Variants in STK32C observed in about 807,000 individuals in gnomAD.
STK32C encodes serine/threonine kinase 32C, also known as serine/threonine-protein kinase 32C.
A neutral mutation model predicts 56.5 loss-of-function variants in STK32C; 31 were observed. That is an observed-to-expected ratio of 0.55 (90% CI 0.41 to 0.74). STK32C has a LOEUF of 0.74. STK32C is among the 30% of genes least tolerant of loss of function. STK32C has a pLI of 0.00. For synonymous variants in STK32C, 309 were observed against 289.4 expected (o/e 1.07, Z -0.69); for missense variants, 544 against 676.9 (o/e 0.80, Z 2.18).
intron 2 of STK32C, among the ~76,000 whole-genome samples, chr10:132,230,682 G>GGGGC (rs1159772091): frequency 1.4e-5 from 2 of 139,358 alleles, no homozygotes; most frequent in South Asian, 2.5e-4. Flanking sequence ...AAGCTGGCGG[G>GGGGC]GGGGGGGGGG....
At chr10:132,279,721 C>CATGACACTGCACTCCG (rs1564771468) in intron 1 of STK32C, among the ~76,000 whole-genome samples, 1 of 62,370 alleles carries the variant, frequency 1.6e-5, no homozygotes, top group Non-Finnish European at 3.4e-5. Context: ...ACTCCACTCC[C>CATGACACTGCACTCCG]TGATCACACC....
At chr10:132,282,457 G>GCCTGCGCCCACCTGTA (rs1481840808) in intron 1 of STK32C, among the ~76,000 whole-genome samples, 1 of 122,354 alleles carries the variant, frequency 8.2e-6, no homozygotes, top group African/African-American at 3.1e-5. Flanking sequence ...ACCCACCTGT[G>GCCTGCGCCCACCTGTA]CCTGCGCCCA....
At chr10:132,218,734 A>C (rs954731801) in intron 10 of STK32C, among the ~76,000 whole-genome samples, 11 of 152,218 alleles carry the variant, frequency 7.2e-5, no homozygotes, top group Admixed American at 6.5e-4. Flanking sequence ...TATCCACACA[A>C]AGACTTGTAT....
chr10:132,280,571 CCACGCCCCTGCACCCTGTGAT>C (rs2065156686), intron 1 of STK32C, among the ~76,000 whole-genome samples: 1 of 125,958 alleles, frequency 7.9e-6, no homozygotes, highest in Non-Finnish European at 1.7e-5. Flanking sequence ...CACCCCGTGA[CCACGCCCCTGCACCCTGTGAT>C]CACGCCACTC....
At position 132,331,503 on chromosome 10, in the gene STK32C, A is replaced by G. The variant is rs373963659; in HGVS notation, c.234T>C (p.Thr78=). The G allele has an allele frequency of 2.5e-6, 4 of 1,612,748 alleles. No homozygotes were observed. The African/African-American group carries it at 5.3e-5, about 22-fold the overall frequency. The change falls in exon 1 of 2, where the codon ACT becomes ACC. Residue 78 remains threonine (T), a synonymous_variant. Coordinates refer to the STK32C transcript ENST00000368619. The stretch of plus-strand genomic sequence containing the variant: ...TTACTTCTCCAAAGAGGACGCTCTG[A>G]GTCTGCGTTCCCCTGGCAGCAAGTC...
chr10:132,227,629 A>ATGGTGC (rs2062940782), intron 3 of STK32C, among the ~76,000 whole-genome samples: 1 of 151,698 alleles, frequency 6.6e-6, no homozygotes, highest in South Asian at 2.1e-4. Context: ...GGTGATGGTG[A>ATGGTGC]TGGTGATGAC....
At position 132,234,157 on chromosome 10, in the gene STK32C, C is replaced by A. The variant is rs117096399; in HGVS notation, c.319-6029G>T. ...AGGCTCTTAACACCTTGCCTGGCTA[C>A]TCCCAGCTCTCCTCGCCCTGGGATC... is the stretch of plus-strand genomic sequence containing the variant. On this transcript the variant is annotated intron_variant, in intron 2 of 11. Coordinates refer to ENST00000298630, the MANE Select transcript of STK32C (RefSeq NM_173575.4). 7.9e-3 allele frequency among the ~76,000 whole-genome samples: 1,207 copies of A among 152,318 alleles called. 10 individuals carry two copies. Among genetic ancestry groups the A allele is most frequent in the Non-Finnish European group, 0.011 (774 of 68,022 alleles).
At chr10:132,223,300 C>T (rs145220785) in intron 8 of STK32C, among the ~76,000 whole-genome samples, 3,692 of 152,298 alleles carry the variant, frequency 0.024, 80 homozygotes, top group East Asian at 0.11. Flanking sequence ...AGCCGAGGCC[C>T]GGCTAGCGGC....
intron 1 of STK32C, among the ~76,000 whole-genome samples, chr10:132,280,401 CG>C (rs1162878399): frequency 2.8e-5 from 4 of 144,590 alleles, no homozygotes; most frequent in Admixed American, 6.8e-5. Context: ...CCCGTGATCA[CG>C]CACCTCCACC....
chr10:132,216,827 A>G (rs1017597009), intron 10 of STK32C, among the ~76,000 whole-genome samples: 5 of 152,228 alleles, frequency 3.3e-5, no homozygotes, highest in Non-Finnish European at 7.3e-5. Context: ...GCAGGTGCAC[A>G]GAAGTCAAGA....
intron 1 of STK32C, among the ~76,000 whole-genome samples, chr10:132,269,146 G>C (rs2064726823): frequency 6.6e-6 from 1 of 150,388 alleles, no homozygotes; most frequent in Non-Finnish European, 1.5e-5. Flanking sequence ...CGTGTCTGTT[G>C]GTTCACGTTG....
intron 2 of STK32C, among the ~76,000 whole-genome samples, chr10:132,234,838 C>G (rs2063219510): frequency 6.6e-6 from 1 of 152,232 alleles, no homozygotes; most frequent in Non-Finnish European, 1.5e-5. Flanking sequence ...TAATTTGTTA[C>G]AGCAGCCATT....
chr10:132,211,013 C>CTCCCA (rs1428288666), intron 10 of STK32C, among the ~76,000 whole-genome samples: 1 of 152,230 alleles, frequency 6.6e-6, no homozygotes, highest in African/African-American at 2.4e-5. Context: ...AGCCGGCAGA[C>CTCCCA]TCCCACGCTC....
intron 1 of STK32C, among the ~76,000 whole-genome samples, chr10:132,295,752 C>T (rs575901816): frequency 2.6e-5 from 4 of 152,202 alleles, no homozygotes; most frequent in South Asian, 2.1e-4. Flanking sequence ...GGTGTGGTGG[C>T]GCACGCCTGT....
At chr10:132,250,172 C>T (rs560358675) in intron 1 of STK32C, among the ~76,000 whole-genome samples, 3 of 152,338 alleles carry the variant, frequency 2.0e-5, no homozygotes, top group Non-Finnish European at 2.9e-5. Flanking sequence ...GGGCTGAGGC[C>T]GCAGAGCCCA....
Position 132,207,934 on chromosome 10 carries a change from C to A in STK32C, c.*76G>T. 1 of 1,249,530 alleles carries A rather than the reference C, an allele frequency of 8.0e-7. No individual in the cohort carries two copies. The highest frequency in any genetic ancestry group is 1.0e-6 in the Non-Finnish European group (1 of 990,216). 77.4% of individuals were successfully genotyped at this position (1,249,530 alleles called of 1,614,324 possible). On this transcript the variant is annotated 3_prime_UTR_variant, in exon 12 of 12. Transcript: ENST00000298630. ...GCTGGGTGGGAACGTGAATGCCAGGCCTCGGCCCATGGCCCTCCCTCTGGC... is the reference window on the plus strand; with the variant it reads ...GCTGGGTGGGAACGTGAATGCCAGGACTCGGCCCATGGCCCTCCCTCTGGC...
intron 1 of STK32C, among the ~76,000 whole-genome samples, chr10:132,250,919 C>T (rs1027489412): frequency 6.6e-6 from 1 of 152,226 alleles, no homozygotes; most frequent in Non-Finnish European, 1.5e-5. Context: ...TGCAGGCCAC[C>T]TCCACGCCCA....
At chr10:132,305,310 G>A (rs2066026217) in intron 1 of STK32C, among the ~76,000 whole-genome samples, 1 of 152,124 alleles carries the variant, frequency 6.6e-6, no homozygotes, top group Admixed American at 6.5e-5. Context: ...AAGGAACAGA[G>A]GACATTTAGT....
chr10:132,231,274 C>A (rs928280866), intron 2 of STK32C, among the ~76,000 whole-genome samples: 3 of 118,676 alleles, frequency 2.5e-5, no homozygotes, highest in Non-Finnish European at 5.6e-5. Context: ...CAGCCTGTTA[C>A]CCCACCTGGG....
Sources: allele counts gnomAD v4.1 joint callset (sites outside exome capture counted in the v4.1 genomes callset), GRCh38; gene constraint gnomAD v4.1.1; transcripts MANE v1.5; gene names NCBI Gene and HGNC (gene_info 2026-07-23, HGNC 2026-07-21).